The following HIBADH variants were observed in gnomAD, a reference collection of about 807,000 sequenced individuals.
HIBADH encodes the protein 3-hydroxyisobutyrate dehydrogenase, mitochondrial.
Under a neutral mutation model 36.1 loss-of-function variants are expected in HIBADH, and 25 were observed. The observed-to-expected ratio is 0.69, with a 90% CI of 0.50 to 0.97. HIBADH has a LOEUF of 0.97. HIBADH is among the 50% of genes least tolerant of loss of function. The pLI, the probability that HIBADH is intolerant of heterozygous loss-of-function variation, is 0.00. For missense variants in HIBADH, 421 were observed against 418.0 expected (o/e 1.01, Z -0.06); for synonymous variants, 160 against 149.5 (o/e 1.07, Z -0.51).
intron 5 of HIBADH, among the ~76,000 whole-genome samples, chr7:27,540,518 T>A (rs1784133175): frequency 6.6e-6 from 1 of 152,224 alleles, no homozygotes. Flanking sequence ...TTGCACAACA[T>A]CTGGACAGTT....
Position 27,662,679 on chromosome 7 carries a change from G to A in HIBADH, c.91+19C>T. The A allele has an allele frequency of 3.1e-6, 4 of 1,285,290 alleles. No homozygotes were observed. Among genetic ancestry groups the A allele is most frequent in the Non-Finnish European group, 4.0e-6 (4 of 1,001,544 alleles). The allele number at this position is 1,285,290 out of a possible 1,614,324, so 79.6% of individuals were successfully genotyped here. A position where few individuals can be genotyped will look rare whatever the true frequency, so the allele number is the denominator to read the frequency against. On this transcript the variant is annotated intron_variant, in intron 1 of 7. Coordinates refer to ENST00000265395, the MANE Select transcript of HIBADH (RefSeq NM_152740.4). ...GCGGCCGAAAGAAGGACAAGGGGGAGGAGGCGTGAGGTCCTTACCCGCTGC... is the reference window on the plus strand; with the variant it reads ...GCGGCCGAAAGAAGGACAAGGGGGAAGAGGCGTGAGGTCCTTACCCGCTGC...
At chr7:27,661,754 C>G (rs932114234) in intron 1 of HIBADH, among the ~76,000 whole-genome samples, 1 of 151,950 alleles carries the variant, frequency 6.6e-6, no homozygotes, top group Non-Finnish European at 1.5e-5. Context: ...CTCAAACTTT[C>G]AGTTTGAGGA....
chr7:27,526,734 G>A (rs930300882), intron 7 of HIBADH, among the ~76,000 whole-genome samples: 3 of 152,052 alleles, frequency 2.0e-5, no homozygotes, highest in African/African-American at 7.2e-5. Context: ...AAATAAAACT[G>A]CAAAACAGGA....
intron 4 of HIBADH, among the ~76,000 whole-genome samples, chr7:27,592,206 C>A (rs1784949283): frequency 6.6e-6 from 1 of 152,168 alleles, no homozygotes; most frequent in South Asian, 2.1e-4. Flanking sequence ...TTGTGTGTTA[C>A]ATTTAGTGCA....
At chr7:27,631,234 G>A (rs769816124) in intron 3 of HIBADH, among the ~76,000 whole-genome samples, 94 of 152,200 alleles carry the variant, frequency 6.2e-4, no homozygotes, top group Non-Finnish European at 9.8e-4. Context: ...TAACAGGACA[G>A]CTAGGATGCC....
chr7:27,585,610 A>G (rs545294148), intron 4 of HIBADH, among the ~76,000 whole-genome samples: 1 of 152,334 alleles, frequency 6.6e-6, no homozygotes, highest in East Asian at 1.9e-4. Flanking sequence ...TATGAGAAAT[A>G]ATTAGGAAAA....
In HIBADH at chr7:27,630,494, T is replaced by C. The variant is rs577680318; in HGVS notation, c.363-1002A>G. Among the ~76,000 whole-genome samples, 8 of 152,086 alleles carry C rather than the reference T, an allele frequency of 5.3e-5. No individual in the cohort carries two copies. In the East Asian group the frequency reaches 1.5e-3, roughly 29 times the overall value. On this transcript the variant is annotated intron_variant, in intron 3 of 7. Coordinates refer to ENST00000265395, the MANE Select transcript of HIBADH (RefSeq NM_152740.4). ...TACTAACCCAGAGGGCATGGAATCA[T>C]GATAAGAAAATTAAAACTGAATAAA...
Position 27,632,449 on chromosome 7 carries a change from T to TA in HIBADH, c.253-5dup, listed in dbSNP as rs750336783. 1.9e-5 allele frequency: 31 copies of TA among 1,594,262 alleles called. No individual in the cohort carries two copies. The highest frequency in any genetic ancestry group is 1.3e-4 in the South Asian group (12 of 90,506). On this transcript the variant is annotated splice_region_variant and splice_polypyrimidine_tract_variant and intron_variant, in intron 2 of 7. Coordinates refer to ENST00000265395, the MANE Select transcript of HIBADH (RefSeq NM_152740.4). ...CATCTGCTGGGGAAGATACTACCTTTAAAAAAAATTGCAAAGGCACATTAT... is the reference window on the plus strand; with the variant it reads ...CATCTGCTGGGGAAGATACTACCTTTAAAAAAAAATTGCAAAGGCACATTAT...
intron 2 of HIBADH, among the ~76,000 whole-genome samples, chr7:27,634,014 T>C (rs914524693): frequency 2.0e-5 from 3 of 152,210 alleles, no homozygotes; most frequent in Non-Finnish European, 2.9e-5. Context: ...TATTAAGAGC[T>C]AGAAGTAATT....
At chr7:27,589,232 T>A (rs1031574043) in intron 4 of HIBADH, among the ~76,000 whole-genome samples, 3 of 152,214 alleles carry the variant, frequency 2.0e-5, no homozygotes, top group Non-Finnish European at 2.9e-5. Context: ...ATTACATTTT[T>A]AAAAATCACT....
At chr7:27,650,975 C>T (rs888040688) in intron 1 of HIBADH, among the ~76,000 whole-genome samples, 5 of 152,108 alleles carry the variant, frequency 3.3e-5, no homozygotes, top group African/African-American at 1.2e-4. Context: ...TGGTCCCTGT[C>T]CTTTAAAAGC....
intron 1 of HIBADH, among the ~76,000 whole-genome samples, chr7:27,661,433 C>A (rs572591956): frequency 2.0e-5 from 3 of 151,892 alleles, no homozygotes; most frequent in Non-Finnish European, 4.4e-5. Context: ...ACTAAAAATA[C>A]AAAAATTGGA....
intron 4 of HIBADH, among the ~76,000 whole-genome samples, chr7:27,591,564 A>T (rs1012484606): frequency 2.6e-5 from 4 of 152,144 alleles, no homozygotes; most frequent in African/African-American, 9.7e-5. Context: ...AAAAAAAAAA[A>T]AATTATCACC....
At chr7:27,558,145 G>C (rs1267673117) in intron 4 of HIBADH, among the ~76,000 whole-genome samples, 1 of 151,880 alleles carries the variant, frequency 6.6e-6, no homozygotes, top group Non-Finnish European at 1.5e-5. Flanking sequence ...TTTTCTTGGT[G>C]AAACTTCTTA....
rs1013307312 is a variant in HIBADH at position 27,642,862 on chromosome 7, G to A, written c.252+6611C>T. ...GAGACGGGGTTTCACCGTTTTAGCC[G>A]GGATGGTCTCGATCTCCTGACCTCG... On this transcript the variant is annotated intron_variant, in intron 2 of 7. Coordinates refer to ENST00000265395, the MANE Select transcript of HIBADH (RefSeq NM_152740.4). 4.1e-4 allele frequency among the ~76,000 whole-genome samples: 63 copies of A among 151,828 alleles called. No individual in the cohort carries two copies. The Middle Eastern group carries it at 0.01, about 25-fold the overall frequency.
At chr7:27,653,400 G>C (rs1232895524) in intron 1 of HIBADH, among the ~76,000 whole-genome samples, 1 of 152,146 alleles carries the variant, frequency 6.6e-6, no homozygotes, top group East Asian at 1.9e-4. Flanking sequence ...GGGTAACTAT[G>C]AACTGTCAAT....
chr7:27,556,228 G>A (rs867779661), intron 4 of HIBADH, among the ~76,000 whole-genome samples: 2 of 152,118 alleles, frequency 1.3e-5, no homozygotes, highest in Non-Finnish European at 2.9e-5. Flanking sequence ...TAGAAAAGTC[G>A]AGTATCTTTT....
chr7:27,571,414 A>G (rs1220639635), intron 4 of HIBADH, among the ~76,000 whole-genome samples: 1 of 151,952 alleles, frequency 6.6e-6, no homozygotes, highest in Non-Finnish European at 1.5e-5. Flanking sequence ...TAGTAGAGAC[A>G]GGATTTCTCC....
At chr7:27,653,194 A>G (rs1405394112) in intron 1 of HIBADH, among the ~76,000 whole-genome samples, 7 of 152,230 alleles carry the variant, frequency 4.6e-5, no homozygotes, top group Non-Finnish European at 1.0e-4. Context: ...AGTCCATAAC[A>G]AAGTCAAAAT....
Sources: gnomAD v4.1 joint callset for allele counts (sites outside exome capture counted in the v4.1 genomes callset) on GRCh38, gnomAD v4.1.1 for gene constraint, MANE v1.5 for transcripts, NCBI Gene and HGNC (gene_info 2026-07-23, HGNC 2026-07-21) for gene names.